Variants in ZNF717 observed in about 807,000 individuals in gnomAD.
The protein encoded by ZNF717 is zinc finger protein 717, also known as krueppel-like factor X17.
In ZNF717, 9 loss-of-function variants were observed where a neutral mutation model predicts 13.8. The ratio of observed to expected loss-of-function variants is 0.65; its 90% CI spans 0.39 to 1.14. The LOEUF (loss-of-function observed/expected upper bound fraction) is 1.14, where lower values mean the gene tolerates loss of function less well. Among genes scored for constraint, ZNF717 ranks in the 50% most tolerant of loss-of-function variants. The pLI is 0.01. For synonymous variants in ZNF717, 327 were observed against 364.1 expected, an observed-to-expected ratio of 0.90 and a Z score of 1.16; for missense variants, 1,040 against 1,080.7, an observed-to-expected ratio of 0.96 and a Z score of 0.53.
At chr3:75,734,433 TTTTTTTG>T (rs1237300812), downstream of ZNF717, among the ~76,000 whole-genome samples, 142 of 53,486 alleles carry the variant, frequency 2.7e-3, 1 homozygote, top group South Asian at 0.012. Context: ...GTTTTTTTTG[TTTTTTTG>T]TTTTTTTTGT....
At chr3:75,702,051 C>G (rs75388047) in intron 6 of ZNF717, among the ~76,000 whole-genome samples, 3 of 152,276 alleles carry the variant, frequency 2.0e-5, no homozygotes, top group Admixed American at 2.0e-4. Context: ...CAGTTAAGAA[C>G]AGTTTGGATG....
chr3:75,775,128 ATTT>A (rs113414485), intron 2 of ZNF717, among the ~76,000 whole-genome samples: 3 of 134,274 alleles, frequency 2.2e-5, no homozygotes, highest in Non-Finnish European at 3.3e-5. Flanking sequence ...CACCAGGCTA[ATTT>A]TTTTTTATTT....
intron 6 of ZNF717, among the ~76,000 whole-genome samples, chr3:75,701,543 T>TAAG (rs1937696882): frequency 8.9e-6 from 1 of 112,260 alleles, no homozygotes; most frequent in African/African-American, 3.6e-5. Flanking sequence ...GGGGCAAAAT[T>TAAG]TAGCTGGGTG....
chr3:75,713,113 C>T (rs1937976623), intron 5 of ZNF717, among the ~76,000 whole-genome samples: 1 of 151,724 alleles, frequency 6.6e-6, no homozygotes, highest in African/African-American at 2.4e-5. Flanking sequence ...TCCTGTTCCC[C>T]CACCCCACAA....
rs751643617 is a variant in ZNF717 at position 75,742,339 on chromosome 3, A to AAAAAAAAG, written c.58-604_58-603insCTTTTTTT. Among the ~76,000 whole-genome samples the AAAAAAAAG allele has an allele frequency of 2.2e-4, 30 of 137,344 alleles. 2 individuals are homozygous for AAAAAAAAG. Among genetic ancestry groups the AAAAAAAAG allele is most frequent in the African/African-American group, 4.7e-4 (17 of 36,224 alleles). 90.1% of individuals were successfully genotyped at this position (137,344 alleles called of 152,430 possible). On this transcript the variant is annotated intron_variant, in intron 2 of 4. Transcript: ENST00000652011. ...TACCTCTCAAAAAAAAAAAAAAAAA[A>AAAAAAAAG]GAATAAAATTCTACTCCTCAAAGGA...
rs1296344260 is a variant in ZNF717, at chr3:75,741,722, A to T, written c.72T>A (p.Phe24Leu). The change falls in exon 3 of 5, where the codon TTT becomes TTA. Residue 24 changes from phenylalanine (F) to leucine (L), a missense_variant. Physicochemically the swap from Phe to Leu is conservative, Grantham distance 22. This residue lies in a region of ZNF717 where 123 missense variants were observed against 177.8 expected (regional missense o/e 0.69). Transcript: ENST00000652011. The part of the protein sequence containing the change: ...EKNKSLELVS[F>L]EEVAVHFTWE... ...AGGTGAAGTGCACAGCTACCTCCTC[A>T]AAGGACACCAACTCCTGTAATGATA... The T allele has an allele frequency of 6.3e-7, 1 of 1,581,306 alleles. No homozygotes were observed. Among genetic ancestry groups the T allele is most frequent in the African/African-American group, 1.4e-5 (1 of 73,442 alleles).
At position 75,779,164 on chromosome 3, in the gene ZNF717, G is replaced by A. The variant is rs142498006; in HGVS notation, c.57+4142C>T. 7.5e-4 allele frequency among the ~76,000 whole-genome samples: 113 copies of A among 149,860 alleles called. No individual in the cohort carries two copies. In the East Asian group the frequency reaches 0.019, roughly 25 times the overall value. ...ACAATGGGAGTGACGTGCGAAAACC[G>A]GAACCCAAAACAATGGGAGTGATGT... On this transcript the variant is annotated intron_variant, in intron 2 of 4. Transcript: ENST00000652011.
chr3:75,751,331 T>C (rs1484955808), intron 2 of ZNF717, among the ~76,000 whole-genome samples: 3 of 151,504 alleles, frequency 2.0e-5, no homozygotes, highest in Admixed American at 1.3e-4. Context: ...TCACATAGGA[T>C]TCCAGAGCAC....
In ZNF717 at chr3:75,736,351, G is replaced by A. The variant is rs1939206647; in HGVS notation, c.*527C>T. The A allele has an allele frequency of 1.3e-5, 2 of 156,050 alleles. No individual in the cohort carries two copies. The highest frequency in any genetic ancestry group is 6.2e-5 in the Admixed American group (1 of 16,126). The allele number at this position is 156,050 out of a possible 1,614,324, so 9.7% of individuals were successfully genotyped here. On this transcript the variant is annotated 3_prime_UTR_variant, in exon 5 of 5. Coordinates refer to ENST00000652011, the MANE Select transcript of ZNF717 (RefSeq NM_001290208.3). ...GCTTAGTGAAGAAAGCATGTTGGAA[G>A]CTAAGACAGGCCAAAGCTAAGCTTC...
chr3:75,747,588 T>C (rs1477251768), intron 2 of ZNF717, among the ~76,000 whole-genome samples: 12 of 152,196 alleles, frequency 7.9e-5, no homozygotes, highest in Non-Finnish European at 1.5e-4. Flanking sequence ...CCATTGTAAG[T>C]TGGATTCCTA....
intron 2 of ZNF717, among the ~76,000 whole-genome samples, chr3:75,756,210 A>G (rs1942459296): frequency 6.6e-6 from 1 of 152,242 alleles, no homozygotes; most frequent in African/African-American, 2.4e-5. Flanking sequence ...TGTTTTGGGA[A>G]CCACAAATCA....
At chr3:75,783,914 C>G (rs574970014) in intron 1 of ZNF717, among the ~76,000 whole-genome samples, 274 of 152,316 alleles carry the variant, frequency 1.8e-3, no homozygotes, top group African/African-American at 5.9e-3. Flanking sequence ...CCATTCTACT[C>G]ATGTTTCCCA....
At chr3:75,762,930 C>A (rs1482101097) in intron 2 of ZNF717, among the ~76,000 whole-genome samples, 1 of 152,164 alleles carries the variant, frequency 6.6e-6, no homozygotes, top group Non-Finnish European at 1.5e-5. Context: ...GATGCCAAGA[C>A]CACTCAATGG....
downstream of ZNF717, among the ~76,000 whole-genome samples, chr3:75,725,540 T>C (rs1235792861): frequency 6.6e-6 from 1 of 152,252 alleles, no homozygotes; most frequent in African/African-American, 2.4e-5. Context: ...TAAGTCTCCG[T>C]ATTAGTCTAT....
At position 75,741,617 on chromosome 3, in the gene ZNF717, T is replaced by C; in HGVS notation, c.177A>G (p.Val59=). 1 of 1,610,548 alleles carries C rather than the reference T, an allele frequency of 6.2e-7. No homozygotes were observed. Among genetic ancestry groups the C allele is most frequent in the African/African-American group, 1.3e-5 (1 of 74,980 alleles). Residue 59 remains valine, a synonymous_variant, in exon 3 of 5, where the codon GTA becomes GTG. Coordinates refer to ENST00000652011, the MANE Select transcript of ZNF717 (RefSeq NM_001290208.3). ...DVMLETYSSL[V]SLGHYITKPE... ...CTGGCAAGTTTCACTCACCCAATGA[T>C]ACCAGGCTGCTGTAGGTCTCCAGCA... is the stretch of plus-strand genomic sequence containing the variant.
downstream of ZNF717, among the ~76,000 whole-genome samples, chr3:75,706,961 A>G (rs1475930554): frequency 1.3e-5 from 2 of 152,278 alleles, no homozygotes; most frequent in African/African-American, 4.8e-5. Context: ...CTGACCTCTT[A>G]CTGGGGAGAG....
intron 4 of ZNF717, among the ~76,000 whole-genome samples, chr3:75,740,099 C>T (rs1160779443): frequency 6.6e-6 from 1 of 150,890 alleles, no homozygotes; most frequent in Non-Finnish European, 1.5e-5. Context: ...TTTCTGGTTC[C>T]TTCTGAGATC....
chr3:75,774,803 T>C (rs1944182153), intron 2 of ZNF717, among the ~76,000 whole-genome samples: 1 of 151,890 alleles, frequency 6.6e-6, no homozygotes, highest in African/African-American at 2.4e-5. Flanking sequence ...GTATTTTTAG[T>C]AGAGACGGGG....
At chr3:75,697,869 G>A (rs1326267615) in intron 6 of ZNF717, among the ~76,000 whole-genome samples, 1 of 152,160 alleles carries the variant, frequency 6.6e-6, no homozygotes, top group Non-Finnish European at 1.5e-5. Context: ...TTAGAGACTG[G>A]TTGAATGGCT....
Sources: gnomAD v4.1 joint callset for allele counts (sites outside exome capture counted in the v4.1 genomes callset) on GRCh38, gnomAD v4.1.1 for gene constraint, gnomAD v4.1.1 regional missense constraint, MANE v1.5 for transcripts, NCBI Gene and HGNC (gene_info 2026-07-23, HGNC 2026-07-21) for gene names.